The following KCNH1 variants were observed in gnomAD, a reference collection of about 807,000 sequenced individuals.
The protein encoded by KCNH1 is voltage-gated delayed rectifier potassium channel KCNH1.
In KCNH1, 27 loss-of-function variants were observed where a neutral mutation model predicts 69.2. The observed-to-expected ratio is 0.39, with a 90% CI of 0.29 to 0.54. The LOEUF (loss-of-function observed/expected upper bound fraction) is 0.54, where lower values mean the gene tolerates loss of function less well. KCNH1 is among the 20% of genes least tolerant of loss of function. The pLI, the probability that KCNH1 is intolerant of heterozygous loss-of-function variation, is 0.68. For missense variants in KCNH1, 798 were observed against 1,261.6 expected (o/e 0.63, Z 5.57); for synonymous variants, 456 against 487.7 (o/e 0.93, Z 0.86).
chr1:210,858,007 G>A (rs954620627), intron 7 of KCNH1: 12 of 152,152 alleles, frequency 7.9e-5, no homozygotes, highest in Non-Finnish European at 1.3e-4. Context: ...AATTTTTTAA[G>A]TATGCATTTT....
intron 7 of KCNH1, among the ~76,000 whole-genome samples, chr1:210,902,487 G>A (rs1687016925): frequency 6.6e-6 from 1 of 152,212 alleles, no homozygotes; most frequent in Admixed American, 6.5e-5. Context: ...TCTGTTTTGA[G>A]GCTAAAAGGG....
chr1:210,736,004 T>A (rs921230874), intron 10 of KCNH1, among the ~76,000 whole-genome samples: 3 of 152,216 alleles, frequency 2.0e-5, no homozygotes, highest in Admixed American at 6.5e-5. Context: ...GCATTTTAGC[T>A]TACTGTTCTT....
intron 6 of KCNH1, among the ~76,000 whole-genome samples, chr1:211,006,353 G>A (rs925788638): frequency 1.3e-5 from 2 of 152,110 alleles, no homozygotes; most frequent in South Asian, 2.1e-4. Context: ...TCACACAAGA[G>A]ATTACAAACA....
chr1:210,773,004 A>G (rs1367269146), intron 10 of KCNH1, among the ~76,000 whole-genome samples: 1 of 152,182 alleles, frequency 6.6e-6, no homozygotes, highest in Non-Finnish European at 1.5e-5. Context: ...TACTTGAGCC[A>G]CAATTATTCC....
chr1:210,716,465 T>C (rs984190287), intron 10 of KCNH1, among the ~76,000 whole-genome samples: 11 of 147,300 alleles, frequency 7.5e-5, no homozygotes, highest in East Asian at 2.0e-4. Context: ...TACACAACCA[T>C]CTAGACTTTT....
intron 5 of KCNH1, among the ~76,000 whole-genome samples, chr1:211,023,163 TTAAA>T (rs1410306152): frequency 9.5e-5 from 9 of 94,926 alleles, no homozygotes; most frequent in Admixed American, 3.7e-4. Flanking sequence ...AATAAATAAA[TTAAA>T]AATGCTGGTG....
chr1:210,683,012 G>A lies in KCNH1; in HGVS notation c.*269C>T, dbSNP rs1681309667. 2 of 429,720 alleles carry A rather than the reference G, an allele frequency of 4.7e-6. No homozygotes were observed. Among genetic ancestry groups the A allele is most frequent in the South Asian group, 6.6e-5 (2 of 30,344 alleles). 26.6% of individuals were successfully genotyped at this position (429,720 alleles called of 1,614,324 possible). On this transcript the variant is annotated 3_prime_UTR_variant, in exon 11 of 11. Coordinates refer to ENST00000271751, the MANE Select transcript of KCNH1 (RefSeq NM_172362.3). This position sits in a 1 kb window ranked among gnomAD's most constrained non-coding sequence, Gnocchi z 5.7. ...ATGGTAGTAAAAAATTAAAAATGAA[G>A]GAAAATACCCTTTAGACAGCATGTC... is the stretch of plus-strand genomic sequence containing the variant.
intron 6 of KCNH1, among the ~76,000 whole-genome samples, chr1:210,988,200 G>A (rs1448904631): frequency 1.3e-5 from 2 of 152,172 alleles, no homozygotes; most frequent in African/African-American, 4.8e-5. Context: ...CTCTGACTAG[G>A]AAAGGGAATT....
intron 5 of KCNH1, among the ~76,000 whole-genome samples, chr1:211,060,964 A>G (rs949147879): frequency 6.6e-6 from 1 of 152,300 alleles, no homozygotes; most frequent in African/African-American, 2.4e-5. Context: ...TTCTACAAGG[A>G]CAGTATTACC....
intron 7 of KCNH1, among the ~76,000 whole-genome samples, chr1:210,878,022 T>C (rs920896782): frequency 6.6e-6 from 1 of 152,194 alleles, no homozygotes; most frequent in Admixed American, 6.5e-5. Flanking sequence ...GGGTTGGCCA[T>C]ATTTGAACTT....
chr1:210,868,409 G>C lies in KCNH1; in HGVS notation c.1462+51231C>G, dbSNP rs117752437. ...TGGTGTCTTTCTTAATAGTGCCTTT[G>C]ATAAAGTCTAATGTATAATTTTTTC... On this transcript the variant is annotated intron_variant, in intron 7 of 10. Transcript: ENST00000271751. Among the ~76,000 whole-genome samples, 72 of 130,724 alleles carry C rather than the reference G, an allele frequency of 5.5e-4. No homozygotes were observed. The East Asian group carries it at 7.8e-3, about 14-fold the overall frequency. The allele number at this position is 130,724 out of a possible 152,430, so 85.8% of individuals were successfully genotyped here. A position where few individuals can be genotyped will look rare whatever the true frequency, so the allele number is the denominator to read the frequency against.
chr1:210,841,135 T>C (rs1323527021), intron 7 of KCNH1, among the ~76,000 whole-genome samples: 1 of 152,186 alleles, frequency 6.6e-6, no homozygotes, highest in African/African-American at 2.4e-5. Flanking sequence ...TGAAGCTGCT[T>C]CCTGTTAAAT....
chr1:211,116,497 T>C (rs1691585252), intron 1 of KCNH1, among the ~76,000 whole-genome samples: 1 of 152,218 alleles, frequency 6.6e-6, no homozygotes, highest in African/African-American at 2.4e-5. Context: ...TTTCCACACC[T>C]GGGGTTTCCA....
At chr1:210,874,418 TAAG>T (rs1157397959) in intron 7 of KCNH1, among the ~76,000 whole-genome samples, 2 of 152,222 alleles carry the variant, frequency 1.3e-5, no homozygotes, top group Non-Finnish European at 2.9e-5. Flanking sequence ...CCTAGAAATA[TAAG>T]AAGTGGCCAA....
In KCNH1 at chr1:210,685,807, C is replaced by T. The variant is rs573230910; in HGVS notation, c.2113-1669G>A. 1.4e-3 allele frequency among the ~76,000 whole-genome samples: 216 copies of T among 152,288 alleles called. 2 individuals carry two copies. The highest frequency in any genetic ancestry group is 0.01 in the Middle Eastern group (3 of 294). On this transcript the variant is annotated intron_variant, in intron 10 of 10. Coordinates refer to ENST00000271751, the MANE Select transcript of KCNH1 (RefSeq NM_172362.3). ...CCAGCAGGTTCTCAGGTATGACCAA[C>T]AAGATGATTGTTTTATAGTGCCCAA...
intron 10 of KCNH1, among the ~76,000 whole-genome samples, chr1:210,716,410 C>A (rs545850712): frequency 2.3e-5 from 3 of 128,510 alleles, no homozygotes; most frequent in African/African-American, 9.4e-5. Context: ...ATAGCCTGGG[C>A]GACAGAGCAA....
intron 6 of KCNH1, among the ~76,000 whole-genome samples, chr1:210,987,584 G>T (rs1333751298): frequency 6.6e-6 from 1 of 152,214 alleles, no homozygotes; most frequent in East Asian, 1.9e-4. Flanking sequence ...AGCAGCGGTG[G>T]CTTCAGAACA....
intron 7 of KCNH1, among the ~76,000 whole-genome samples, chr1:210,818,454 C>A (rs190607962): frequency 6.6e-6 from 1 of 152,284 alleles, no homozygotes; most frequent in African/African-American, 2.4e-5. Flanking sequence ...TGCAGTCACG[C>A]TGACTATCCC....
intron 1 of KCNH1, among the ~76,000 whole-genome samples, chr1:211,110,319 A>T (rs1691434743): frequency 1.3e-5 from 2 of 152,322 alleles, no homozygotes; most frequent in South Asian, 2.1e-4. Flanking sequence ...TGTAGAAAGC[A>T]AGGAAGAGAG....
Sources: allele counts gnomAD v4.1 joint callset (sites outside exome capture counted in the v4.1 genomes callset), GRCh38; gene constraint gnomAD v4.1.1; non-coding constraint Gnocchi (gnomAD v3.1); transcripts MANE v1.5; gene names NCBI Gene and HGNC (gene_info 2026-07-23, HGNC 2026-07-21).